Variants in JMJD1C observed in about 807,000 individuals in gnomAD.
The protein encoded by JMJD1C is jumonji domain-containing protein 1C.
A neutral mutation model predicts 245.3 loss-of-function variants in JMJD1C; 31 were observed. That is an observed-to-expected ratio of 0.13 (90% CI 0.09 to 0.17). The LOEUF (loss-of-function observed/expected upper bound fraction) is 0.17. JMJD1C is among the 10% of genes least tolerant of loss of function. JMJD1C has a pLI of 1.00. For synonymous variants in JMJD1C, 1,057 were observed against 1,017.4 expected, an observed-to-expected ratio of 1.04 and a Z score of -0.74; for missense variants, 2,691 against 3,000.2, an observed-to-expected ratio of 0.90 and a Z score of 2.41.
chr10:63,341,367 C>A (rs1185524029), intron 2 of JMJD1C, among the ~76,000 whole-genome samples: 1 of 152,154 alleles, frequency 6.6e-6, no homozygotes, highest in Non-Finnish European at 1.5e-5. Flanking sequence ...GGCGTTACTG[C>A]CCTAGAAAGA....
At chr10:63,244,647 T>C (rs950275100) in intron 3 of JMJD1C, among the ~76,000 whole-genome samples, 1 of 151,680 alleles carries the variant, frequency 6.6e-6, no homozygotes, top group Non-Finnish European at 1.5e-5. Context: ...GAAAACAGAG[T>C]GATCTCCAAG....
intron 3 of JMJD1C, chr10:63,222,357 A>T: frequency 1.6e-6 from 2 of 1,246,390 alleles, no homozygotes; most frequent in South Asian, 1.2e-5. Context: ...CAAACAAATC[A>T]TATGTTTTTC....
chr10:63,286,285 A>G (rs1857971561), intron 2 of JMJD1C, among the ~76,000 whole-genome samples: 1 of 152,212 alleles, frequency 6.6e-6, no homozygotes. Flanking sequence ...AAGAATACAC[A>G]TATCTAAGCC....
In JMJD1C at chr10:63,289,635, TTAAA is replaced by T. The variant is rs1256861893; in HGVS notation, c.334-24875_334-24872del. On this transcript the variant is annotated intron_variant, in intron 2 of 25. Transcript: ENST00000399262. ...TTATGTATTTACAAGTTAAATCCTG[TTAAA>T]TAAAGCGCCAAGAAAATTTACAAAT... 3.3e-5 allele frequency among the ~76,000 whole-genome samples: 5 copies of T among 152,170 alleles called. No homozygotes were observed. In the East Asian group the frequency reaches 5.8e-4, roughly 18 times the overall value.
intron 1 of JMJD1C, among the ~76,000 whole-genome samples, chr10:63,406,376 C>A (rs1949171570): frequency 6.6e-6 from 1 of 152,014 alleles, no homozygotes; most frequent in Admixed American, 6.6e-5. Flanking sequence ...CAATTTTGGA[C>A]ATGAAGAAAA....
intron 1 of JMJD1C, among the ~76,000 whole-genome samples, chr10:63,386,651 G>C (rs558857956): frequency 3.3e-5 from 5 of 152,274 alleles, no homozygotes; most frequent in African/African-American, 1.2e-4. Context: ...CCACATGTGG[G>C]CACCTGCAGC....
intron 16 of JMJD1C, among the ~76,000 whole-genome samples, chr10:63,191,967 G>C (rs1443157687): frequency 9.4e-5 from 10 of 106,546 alleles, no homozygotes; most frequent in Admixed American, 3.8e-4. Flanking sequence ...CTGGACAACA[G>C]AGTGAGACTC....
At chr10:63,366,634 A>G (rs574697105) in intron 2 of JMJD1C, among the ~76,000 whole-genome samples, 42 of 152,342 alleles carry the variant, frequency 2.8e-4, no homozygotes, top group Admixed American at 7.2e-4. Flanking sequence ...GATGGTTACA[A>G]GGCCACTCAT....
rs754793513 is a variant in JMJD1C at position 63,176,499 on chromosome 10, T to C, written c.7225-26A>G. 7 of 1,545,714 alleles carry C rather than the reference T, an allele frequency of 4.5e-6. No individual in the cohort carries two copies. The East Asian group carries it at 9.0e-5, about 20-fold the overall frequency. On this transcript the variant is annotated intron_variant, in intron 23 of 25. Coordinates refer to ENST00000399262, the MANE Select transcript of JMJD1C (RefSeq NM_032776.3). ...CTGAAATATGAATTAAAATAGACACTCCAATTTAAGTAAGGAAATGGTAAA... is the reference window on the plus strand; with the variant it reads ...CTGAAATATGAATTAAAATAGACACCCCAATTTAAGTAAGGAAATGGTAAA...
intron 3 of JMJD1C, among the ~76,000 whole-genome samples, chr10:63,258,107 C>G (rs1854210736): frequency 6.6e-6 from 1 of 152,174 alleles, no homozygotes; most frequent in Admixed American, 6.6e-5. Context: ...TACAATATGT[C>G]TCTTATTGAG....
At chr10:63,297,631 G>T (rs932212672) in intron 2 of JMJD1C, among the ~76,000 whole-genome samples, 4 of 152,158 alleles carry the variant, frequency 2.6e-5, no homozygotes, top group Admixed American at 1.3e-4. Flanking sequence ...CTTTCTGGGG[G>T]CCCAGACCTT....
intron 2 of JMJD1C, among the ~76,000 whole-genome samples, chr10:63,266,692 C>T (rs1262640654): frequency 6.6e-6 from 1 of 152,052 alleles, no homozygotes; most frequent in Non-Finnish European, 1.5e-5. Context: ...CAGGTCAACT[C>T]ATGAAGGTTA....
rs1023869472 is a variant in JMJD1C at position 63,402,754 on chromosome 10, T to A, written c.169-22272A>T. Among the ~76,000 whole-genome samples the A allele has an allele frequency of 2.0e-5, 3 of 152,204 alleles. No homozygotes were observed. The South Asian group carries it at 6.2e-4, about 32-fold the overall frequency. ...TTACTTTTTAGCAGTTTAATGGGTATATTTTTAAATCTTCCTTTTTGTGTG... is the reference window on the plus strand; with the variant it reads ...TTACTTTTTAGCAGTTTAATGGGTAAATTTTTAAATCTTCCTTTTTGTGTG... On this transcript the variant is annotated intron_variant, in intron 1 of 25. Transcript: ENST00000399262.
intron 3 of JMJD1C, among the ~76,000 whole-genome samples, chr10:63,261,570 A>T (rs1589317789): frequency 6.6e-6 from 1 of 152,268 alleles, no homozygotes; most frequent in South Asian, 2.1e-4. Context: ...GACAGAAAAA[A>T]AAAGAAGAAG....
chr10:63,288,290 G>T (rs1858216844), intron 2 of JMJD1C, among the ~76,000 whole-genome samples: 1 of 152,142 alleles, frequency 6.6e-6, no homozygotes, highest in East Asian at 1.9e-4. Context: ...TTAGTAAAAT[G>T]CATTTTTCTC....
intron 2 of JMJD1C, among the ~76,000 whole-genome samples, chr10:63,312,951 CTTT>C (rs34990207): frequency 6.6e-6 from 1 of 151,632 alleles, no homozygotes. Context: ...TTTCTTAAAA[CTTT>C]TTTTTTCCAT....
intron 10 of JMJD1C, chr10:63,202,182 G>A (rs955101394): frequency 8.1e-5 from 34 of 419,080 alleles, no homozygotes; most frequent in African/African-American, 3.5e-4. Context: ...TGATCCCAGG[G>A]GGCGGAAGTT....
chr10:63,411,293 A>ATTTTTTTT (rs58719205), intron 1 of JMJD1C, among the ~76,000 whole-genome samples: 2 of 84,544 alleles, frequency 2.4e-5, no homozygotes, highest in Non-Finnish European at 4.7e-5. Context: ...TGTGTCACTG[A>ATTTTTTTT]TTTTTTTTTT....
chr10:63,176,798 ATTTTTT>A (rs10577726), intron 23 of JMJD1C: 117 of 135,586 alleles, frequency 8.6e-4, no homozygotes, highest in Non-Finnish European at 1.2e-3. Flanking sequence ...GGAACAGGGT[ATTTTTT>A]TTTTTTTTTT....
Sources: gnomAD v4.1 joint callset for allele counts (sites outside exome capture counted in the v4.1 genomes callset) on GRCh38, gnomAD v4.1.1 for gene constraint, MANE v1.5 for transcripts, NCBI Gene and HGNC (gene_info 2026-07-23, HGNC 2026-07-21) for gene names.